Variants in ELAVL2 observed in about 807,000 individuals in gnomAD.
ELAVL2 encodes the protein ELAV-like protein 2.
ELAVL2 carries 4 observed loss-of-function variants against 34.6 expected under a neutral mutation model. The observed-to-expected ratio is 0.12, with a 90% CI of 0.06 to 0.26. The LOEUF (loss-of-function observed/expected upper bound fraction) is 0.26. ELAVL2 is among the 10% of genes least tolerant of loss of function. ELAVL2 has a pLI of 1.00. For synonymous variants in ELAVL2, 193 were observed against 154.8 expected, an observed-to-expected ratio of 1.25 and a Z score of -1.83; for missense variants, 432 against 442.8, an observed-to-expected ratio of 0.98 and a Z score of 0.22.
At chr9:23,720,876 C>T (rs1459809277) in intron 3 of ELAVL2, among the ~76,000 whole-genome samples, 1 of 152,226 alleles carries the variant, frequency 6.6e-6, no homozygotes, top group Admixed American at 6.5e-5. Flanking sequence ...TCCTCAGTCT[C>T]TCTCTGCAGA....
intron 1 of ELAVL2, among the ~76,000 whole-genome samples, chr9:23,812,607 G>A (rs1342113965): frequency 2.0e-5 from 3 of 152,090 alleles, no homozygotes; most frequent in African/African-American, 7.2e-5. Context: ...TCATAGAATA[G>A]AAGATGCTTG....
intron 1 of ELAVL2, among the ~76,000 whole-genome samples, chr9:23,806,174 AAT>A (rs1200710855): frequency 6.6e-6 from 1 of 152,220 alleles, no homozygotes; most frequent in African/African-American, 2.4e-5. Context: ...AAATATTAAC[AAT>A]TTTTATTAAC....
At chr9:23,740,883 A>G (rs2048999439) in intron 2 of ELAVL2, among the ~76,000 whole-genome samples, 1 of 152,230 alleles carries the variant, frequency 6.6e-6, no homozygotes, top group Admixed American at 6.5e-5. Flanking sequence ...CACACAAGAC[A>G]TTTCTCTCCT....
chr9:23,816,950 G>C (rs1005823506), intron 1 of ELAVL2, among the ~76,000 whole-genome samples: 4 of 151,868 alleles, frequency 2.6e-5, no homozygotes, highest in Admixed American at 2.0e-4. Context: ...ATCTGTATTA[G>C]ATTGGCCAAC....
intron 1 of ELAVL2, among the ~76,000 whole-genome samples, chr9:23,777,204 G>A (rs1234184024): frequency 1.3e-5 from 2 of 152,232 alleles, no homozygotes; most frequent in East Asian, 1.9e-4. Context: ...CTTTCAGATC[G>A]AGCTAAAAAG....
intron 2 of ELAVL2, among the ~76,000 whole-genome samples, chr9:23,739,428 G>C (rs1369375206): frequency 1.3e-5 from 2 of 152,094 alleles, no homozygotes; most frequent in Non-Finnish European, 2.9e-5. Flanking sequence ...AAAAGGTTAG[G>C]ACATTAACAA....
intron 2 of ELAVL2, among the ~76,000 whole-genome samples, chr9:23,747,552 G>A (rs536509792): frequency 1.3e-5 from 2 of 152,086 alleles, no homozygotes; most frequent in African/African-American, 4.8e-5. Context: ...GGTTAAGCTT[G>A]AGTCATCTTT....
intron 3 of ELAVL2, among the ~76,000 whole-genome samples, chr9:23,730,276 T>G (rs2134471004): frequency 6.6e-6 from 1 of 152,238 alleles, no homozygotes; most frequent in South Asian, 2.1e-4. Context: ...ATTTCAAAGA[T>G]TCACAAAAGC....
At chr9:23,727,705 T>A (rs1219077731) in intron 3 of ELAVL2, among the ~76,000 whole-genome samples, 1 of 152,076 alleles carries the variant, frequency 6.6e-6, no homozygotes, top group South Asian at 2.1e-4. Flanking sequence ...GGGATTAAGA[T>A]GCAACCAAAG....
At chr9:23,821,873 C>G (rs1431545268) in intron 1 of ELAVL2, 1 of 151,310 alleles carries the variant, frequency 6.6e-6, no homozygotes, top group Non-Finnish European at 1.5e-5. Context: ...GAGGGGCTTG[C>G]TTGGAAGAGC....
intron 1 of ELAVL2, among the ~76,000 whole-genome samples, chr9:23,762,532 C>G (rs1485631355): frequency 6.6e-6 from 1 of 152,028 alleles, no homozygotes; most frequent in African/African-American, 2.4e-5. Context: ...ATTCACATAT[C>G]CTTACTCACC....
intron 1 of ELAVL2, among the ~76,000 whole-genome samples, chr9:23,769,439 T>C (rs1588294854): frequency 6.6e-6 from 1 of 152,220 alleles, no homozygotes; most frequent in East Asian, 1.9e-4. Context: ...GATATGTTTG[T>C]GGTTTCACTT....
intron 3 of ELAVL2, among the ~76,000 whole-genome samples, chr9:23,710,855 C>T (rs182186746): frequency 6.6e-6 from 1 of 152,240 alleles, no homozygotes; most frequent in East Asian, 1.9e-4. Context: ...GATATTTGGA[C>T]AGGTGGCTAC....
chr9:23,782,421 A>G (rs1325144677), intron 1 of ELAVL2, among the ~76,000 whole-genome samples: 3 of 152,086 alleles, frequency 2.0e-5, no homozygotes, highest in South Asian at 2.1e-4. Context: ...CAAAAAAAAA[A>G]ATTACAGGCG....
At chr9:23,724,823 A>G (rs2044659542) in intron 3 of ELAVL2, among the ~76,000 whole-genome samples, 1 of 152,108 alleles carries the variant, frequency 6.6e-6, no homozygotes, top group Non-Finnish European at 1.5e-5. Flanking sequence ...GCAGAGGAAC[A>G]ATTTACTCAA....
chr9:23,779,959 G>C (rs1440811597), intron 1 of ELAVL2, among the ~76,000 whole-genome samples: 1 of 82,058 alleles, frequency 1.2e-5, no homozygotes, highest in Non-Finnish European at 2.2e-5. Context: ...TTTTTCCCCA[G>C]AATCGGTGAT....
At chr9:23,803,167 G>A (rs936199636) in intron 1 of ELAVL2, among the ~76,000 whole-genome samples, 5 of 152,100 alleles carry the variant, frequency 3.3e-5, no homozygotes, top group Admixed American at 6.6e-5. Context: ...CTGGGACTAT[G>A]TAAACTACTT....
intron 1 of ELAVL2, among the ~76,000 whole-genome samples, chr9:23,820,638 G>C (rs963915205): frequency 6.1e-5 from 9 of 148,466 alleles, no homozygotes; most frequent in Non-Finnish European, 1.2e-4. Context: ...AATGCCGTGA[G>C]AAAGACTGCT....
intron 3 of ELAVL2, among the ~76,000 whole-genome samples, chr9:23,713,888 A>G (rs2041658244): frequency 6.6e-6 from 1 of 152,074 alleles, no homozygotes; most frequent in South Asian, 2.1e-4. Context: ...AGTCACACAG[A>G]GCTAGGTCCA....
Sources: gnomAD v4.1 joint callset for allele counts (sites outside exome capture counted in the v4.1 genomes callset) on GRCh38, gnomAD v4.1.1 for gene constraint, MANE v1.5 for transcripts, NCBI Gene and HGNC (gene_info 2026-07-23, HGNC 2026-07-21) for gene names.